Variants in FAIM observed in about 807,000 individuals in gnomAD.
FAIM encodes the protein Fas apoptotic inhibitory molecule.
A neutral mutation model predicts 21.2 loss-of-function variants in FAIM; 14 were observed. The observed-to-expected ratio is 0.66, with a 90% CI of 0.44 to 1.03. FAIM has a LOEUF of 1.03. Among genes scored for constraint, FAIM ranks in the 50% least tolerant of loss-of-function variants. The probability of loss-of-function intolerance (pLI) is 0.00; values close to 1 mark genes in which losing one functional copy is unlikely to be tolerated. For synonymous variants in FAIM, 86 were observed against 80.4 expected (o/e 1.07, Z -0.37); for missense variants, 222 against 247.1 (o/e 0.90, Z 0.68).
chr3:138,628,532 T>G (rs767002648), intron 4 of FAIM, among the ~76,000 whole-genome samples: 1 of 152,018 alleles, frequency 6.6e-6, no homozygotes, highest in Non-Finnish European at 1.5e-5. Flanking sequence ...TTGCCCAGGC[T>G]AGAGTGCAGT....
rs574064387 is a variant in FAIM at position 138,624,097 on chromosome 3, G to C, written c.406+1681G>C. On this transcript the variant is annotated intron_variant, in intron 4 of 5. Transcript: ENST00000360570. ...CCCTTATATTTCCAAATTTCATAGT[G>C]ATATGTTTAGGAATATAGTTACTCA... Among the ~76,000 whole-genome samples the C allele has an allele frequency of 5.3e-4, 81 of 152,140 alleles. 1 individual carries two copies. In the South Asian group the frequency reaches 0.01, roughly 19 times the overall value.
At chr3:138,614,122 C>T (rs1156243319) in intron 1 of FAIM, among the ~76,000 whole-genome samples, 1 of 152,238 alleles carries the variant, frequency 6.6e-6, no homozygotes, top group Non-Finnish European at 1.5e-5. Context: ...TATTTCTGAA[C>T]TCTCAAATTC....
In FAIM at chr3:138,621,691, A is replaced by T. The variant is rs1224307145; in HGVS notation, c.177+152A>T. On this transcript the variant is annotated intron_variant, in intron 3 of 5. Coordinates refer to ENST00000360570, the MANE Select transcript of FAIM (RefSeq NM_001033031.2). ...TTTGCTGTGTAAAGCAAACATAGTT[A>T]TAGAATTCATGGAATATAGCGTGTA... The T allele has an allele frequency of 9.7e-6, 6 of 620,762 alleles. No homozygotes were observed. In the African/African-American group the frequency reaches 1.1e-4, roughly 12 times the overall value. The allele number at this position is 620,762 out of a possible 1,614,324, so 38.5% of individuals were successfully genotyped here.
chr3:138,612,131 C>T (rs1197486160), intron 1 of FAIM, among the ~76,000 whole-genome samples: 20 of 136,050 alleles, frequency 1.5e-4, no homozygotes, highest in Admixed American at 5.3e-4. Context: ...GACGGAGTCT[C>T]GCTCTGTCAC....
chr3:138,621,637 C>T, intron 3 of FAIM, 98 bp downstream of exon 3: 2 of 1,070,372 alleles, frequency 1.9e-6, no homozygotes, highest in Non-Finnish European at 1.3e-6. Context: ...GCTTTTTTTT[C>T]TTGTAGTCAT....
At chr3:138,609,241 GC>G (rs1303508330) in intron 1 of FAIM, 1 of 151,020 alleles carries the variant, frequency 6.6e-6, no homozygotes, top group Non-Finnish European at 1.5e-5. Context: ...TGGAGGTGCG[GC>G]GGGGCGCGGG....
intron 1 of FAIM, among the ~76,000 whole-genome samples, chr3:138,613,285 G>T (rs982369560): frequency 1.3e-5 from 2 of 152,050 alleles, no homozygotes; most frequent in Non-Finnish European, 2.9e-5. Flanking sequence ...CTCCCAAATT[G>T]CTGGGATTAC....
rs1412101850 is a variant in FAIM, at chr3:138,616,575, T to C, written c.-16-3136T>C. ...GGTGTTACTCTGTTGACCAGGCTGG[T>C]CTCGAGTTCCTGGCTTCAAATGATT... On this transcript the variant is annotated intron_variant, in intron 1 of 5. Transcript: ENST00000360570. Among the ~76,000 whole-genome samples the C allele has an allele frequency of 2.0e-5, 3 of 152,054 alleles. No individual in the cohort carries two copies. In the East Asian group the frequency reaches 5.8e-4, roughly 29 times the overall value.
chr3:138,621,187 A>G, intron 2 of FAIM: 2 of 507,072 alleles, frequency 3.9e-6, no homozygotes, highest in Non-Finnish European at 3.5e-6. Flanking sequence ...TTTAGAAGTA[A>G]TCGGACTATG....
intron 4 of FAIM, among the ~76,000 whole-genome samples, chr3:138,624,032 C>G: frequency 6.6e-6 from 1 of 152,148 alleles, no homozygotes; most frequent in East Asian, 1.9e-4. Context: ...ATCTGAATCT[C>G]ATTTTTTTCT....
chr3:138,621,451 G>A lies in FAIM; in HGVS notation c.89G>A (p.Trp30Ter). 6.2e-7 allele frequency: 1 copy of A among 1,613,954 alleles called. No homozygotes were observed. ...AAAATGACAGATCTCGTAGCTGTTT[G>A]GGATGTTGCTTTAAGTGACGGAGTC... is the stretch of plus-strand genomic sequence containing the variant. ...LEKMTDLVAVWDVALSDGVHK... is the reference protein window; with the variant it reads ...LEKMTDLVAV The change falls in exon 3 of 6, where the codon TGG becomes TAG. Residue 30 changes from tryptophan to a stop codon, truncating the protein, a stop_gained. Transcript: ENST00000360570. LOFTEE classifies it high-confidence loss of function.
intron 4 of FAIM, among the ~76,000 whole-genome samples, chr3:138,627,218 G>C (rs1420215842): frequency 6.8e-6 from 1 of 146,590 alleles, no homozygotes; most frequent in African/African-American, 2.5e-5. Flanking sequence ...ATCTCACTCT[G>C]TCGCCCAGGC....
At position 138,618,002 on chromosome 3, in the gene FAIM, TCTCA is replaced by T. The variant is rs1336955995; in HGVS notation, c.-16-1705_-16-1702del. On this transcript the variant is annotated intron_variant, in intron 1 of 5. Transcript: ENST00000360570. ...TATAGATACCTGTTTTGAGACAGGGTCTCACTCTGTCATCCAGGCTGGAGTGCGG... is the reference window on the plus strand; with the variant it reads ...TATAGATACCTGTTTTGAGACAGGGTCTCTGTCATCCAGGCTGGAGTGCGG... Among the ~76,000 whole-genome samples the T allele has an allele frequency of 1.9e-4, 29 of 149,452 alleles. No individual in the cohort carries two copies. In the South Asian group the frequency reaches 5.9e-3, roughly 30 times the overall value.
intron 1 of FAIM, among the ~76,000 whole-genome samples, chr3:138,612,567 G>T (rs972915220): frequency 6.6e-6 from 1 of 152,086 alleles, no homozygotes; most frequent in Non-Finnish European, 1.5e-5. Flanking sequence ...TATGTACCGC[G>T]TTTTGTTTAT....
At chr3:138,632,826 A>G (rs999032220) in intron 5 of FAIM, 104 bp from the exon 6 acceptor site, 24 of 1,109,716 alleles carry the variant, frequency 2.2e-5, no homozygotes. Flanking sequence ...TGTTTAACTA[A>G]TACATTATTT....
chr3:138,623,002 TG>T (rs1663596794), intron 4 of FAIM, among the ~76,000 whole-genome samples: 2 of 149,114 alleles, frequency 1.3e-5, no homozygotes, highest in East Asian at 4.0e-4. Context: ...ATCGCACCAC[TG>T]CATTCCAGTC....
chr3:138,613,818 T>C (rs542974697), intron 1 of FAIM, among the ~76,000 whole-genome samples: 2 of 152,292 alleles, frequency 1.3e-5, no homozygotes, highest in East Asian at 3.9e-4. Context: ...AATTTATCTA[T>C]TTTTTTCTTT....
At chr3:138,616,876 T>A (rs950430548) in intron 1 of FAIM, among the ~76,000 whole-genome samples, 1 of 152,202 alleles carries the variant, frequency 6.6e-6, no homozygotes, top group African/African-American at 2.4e-5. Flanking sequence ...AATTTTGATA[T>A]ATAGTTATAT....
intron 5 of FAIM, 135 bp downstream of exon 5, chr3:138,629,291 C>A (rs1002374556): frequency 4.7e-6 from 3 of 636,810 alleles, no homozygotes; most frequent in African/African-American, 4.0e-5. Flanking sequence ...ATTAAGTACT[C>A]CTGACTTCAG....
Sources: allele counts gnomAD v4.1 joint callset (sites outside exome capture counted in the v4.1 genomes callset), GRCh38; gene constraint gnomAD v4.1.1; transcripts MANE v1.5; gene names NCBI Gene and HGNC (gene_info 2026-07-23, HGNC 2026-07-21).